Variants in UBR4 observed in about 807,000 individuals in gnomAD.
The protein encoded by UBR4 is E3 ubiquitin-protein ligase UBR4.
UBR4 carries 124 observed loss-of-function variants against 575.6 expected under a neutral mutation model. The ratio of observed to expected loss-of-function variants is 0.22; its 90% confidence interval spans 0.19 to 0.25. UBR4 has a LOEUF of 0.25. Among genes scored for constraint, UBR4 ranks in the 10% least tolerant of loss-of-function variants. The pLI is 1.00. For missense variants in UBR4, 4,818 were observed against 6,478.8 expected, an observed-to-expected ratio of 0.74 and a Z score of 8.80; for synonymous variants, 2,455 against 2,473.7, an observed-to-expected ratio of 0.99 and a Z score of 0.22.
chr1:19,122,684 G>A, intron 66 of UBR4, 149 bp downstream of exon 66: 2 of 852,230 alleles, frequency 2.3e-6, no homozygotes, highest in African/African-American at 1.7e-5. Context: ...ACCCAGACAG[G>A]GGTTATGGAT....
rs2085999991 is a variant in UBR4, at chr1:19,153,331, G to C, written c.6802C>G (p.Pro2268Ala). 1.9e-6 allele frequency: 3 copies of C among 1,614,184 alleles called. No homozygotes were observed. Among genetic ancestry groups the C allele is most frequent in the Non-Finnish European group, 2.5e-6 (3 of 1,180,028 alleles). Reference protein sequence around the residue: ...QPSSVISIMKPVRKRKTATIT... With the variant: ...QPSSVISIMKAVRKRKTATIT... The stretch of plus-strand genomic sequence containing the variant: ...GTAGCTGTTTTGCGCTTTCGAACAG[G>C]CTTCATGATGCTGATGACACTGCTG... Residue 2268 changes from proline to alanine, a missense_variant, in exon 46 of 106, where the codon CCT becomes GCT. This residue lies in a region of UBR4 where 461 missense variants were observed against 606.9 expected (regional missense o/e 0.76). Transcript: ENST00000375254. This position sits in a 1 kb window ranked among gnomAD's most constrained non-coding sequence, Gnocchi z 4.1.
chr1:19,082,172 G>A (rs957775115), intron 102 of UBR4: 19 of 223,288 alleles, frequency 8.5e-5, no homozygotes, highest in African/African-American at 3.0e-4. Context: ...CCAGATGAGC[G>A]CTGCTTCTTG....
At position 19,108,962 on chromosome 1, in the gene UBR4, C is replaced by T. The variant is rs2079534959; in HGVS notation, c.12105+1134G>A. On this transcript the variant is annotated intron_variant, in intron 81 of 105. Coordinates refer to ENST00000375254, the MANE Select transcript of UBR4 (RefSeq NM_020765.3). ...AGGATGGTCATATAGGGATGGGTGT[C>T]CTCTTCTCAACCAAGGGCTGATTTT... 2.0e-5 allele frequency among the ~76,000 whole-genome samples: 3 copies of T among 152,154 alleles called. No homozygotes were observed. The South Asian group carries it at 6.2e-4, about 32-fold the overall frequency.
chr1:19,138,058 G>T lies in UBR4; in HGVS notation c.8855C>A (p.Ser2952Tyr). ...AGTTTCTCCTTCTCCTTCTCCCTCG[G>T]AGCCATCTCCCTCCTGGTGCCCAGT... ...TTTGHQEGDG[S>Y]EGEGEGETEG... The change falls in exon 60 of 106, where the codon TCC (serine) becomes TAC (tyrosine). Residue 2952 changes from serine to tyrosine, a missense_variant. Around this residue, in one of 29 missense-constraint regions of UBR4, gnomAD observed 87 missense variants for 82.8 expected, o/e 1.05. Transcript: ENST00000375254. The T allele has an allele frequency of 6.3e-7, 1 of 1,590,748 alleles. No individual in the cohort carries two copies. The highest frequency in any genetic ancestry group is 8.6e-7 in the Non-Finnish European group (1 of 1,165,006).
chr1:19,149,891 C>T, intron 49 of UBR4: 1 of 975,614 alleles, frequency 1.0e-6, no homozygotes, highest in East Asian at 6.4e-5. Flanking sequence ...ATGGATAGGG[C>T]ATCGGGGAAA....
rs368288140 is a variant in UBR4 at position 19,174,385 on chromosome 1, G to A, written c.2916C>T (p.Ala972=). The A allele has an allele frequency of 8.1e-6, 13 of 1,613,012 alleles. No individual in the cohort carries two copies. The highest frequency in any genetic ancestry group is 1.1e-5 in the Non-Finnish European group (13 of 1,179,972). ...CAAGCTGGGACCCAGCTGCAAGCAG[G>A]GCTGTCAGTGCAGCATAAAGCTCAT... ...KYDELYAALT[A]LLAAGSQLDT... Residue 972 remains alanine (A), a synonymous_variant, in exon 22 of 106, where the codon GCC becomes GCT. Coordinates refer to ENST00000375254, the MANE Select transcript of UBR4 (RefSeq NM_020765.3).
chr1:19,186,758 GAGTATGCCTCTTA>G (rs2091566489), intron 13 of UBR4, 101 bp from the exon 14 acceptor site: 2 of 1,118,870 alleles, frequency 1.8e-6, no homozygotes, highest in Non-Finnish European at 2.6e-6. Context: ...CTAAATCCAA[GAGTATGCCTCTTA>G]ATAGCTCCCT....
rs1457117308 is a variant in UBR4, at chr1:19,094,110, A to C, written c.13776T>G (p.Asp4592Glu). 2 of 1,613,862 alleles carry C rather than the reference A, an allele frequency of 1.2e-6. No homozygotes were observed. The highest frequency in any genetic ancestry group is 1.7e-6 in the Non-Finnish European group (2 of 1,179,946). ...KGNLLLTGDKDQLVMLLDQIN... is the reference protein window; with the variant it reads ...KGNLLLTGDKEQLVMLLDQIN... ...TCTGGTCCAAGAGCATCACCAGTTG[A>C]TCCTTGTCACCTGTCAGGAGGAGGT... Residue 4592 changes from aspartate (D) to glutamate (E), a missense_variant, in exon 95 of 106, where the codon GAT becomes GAG. This residue lies in a region of UBR4 where 165 missense variants were observed against 282.3 expected (regional missense o/e 0.58). Transcript: ENST00000375254.
intron 19 of UBR4, among the ~76,000 whole-genome samples, chr1:19,177,256 T>A (rs569817789): frequency 2.5e-4 from 38 of 152,192 alleles, no homozygotes; most frequent in Middle Eastern, 6.8e-3. Flanking sequence ...TTTCAAAAAA[T>A]GCATCAAATC....
At position 19,156,305 on chromosome 1, in the gene UBR4, G is replaced by C. The variant is rs1281414702; in HGVS notation, c.6038C>G (p.Thr2013Ser). The C allele has an allele frequency of 6.2e-7, 1 of 1,614,156 alleles. No individual in the cohort carries two copies. The highest frequency in any genetic ancestry group is 1.3e-5 in the African/African-American group (1 of 75,034). ...IKAVWLPGSQ[T>S]ELAIVTADFV... ...GTCTGCGGTGACAATTGCTAACTCGGTCTGTGAACCAGGTAACCACACGGC... is the reference window on the plus strand; with the variant it reads ...GTCTGCGGTGACAATTGCTAACTCGCTCTGTGAACCAGGTAACCACACGGC... Residue 2013 changes from threonine to serine, a missense_variant, in exon 42 of 106, where the codon ACC becomes AGC. Physicochemically the swap from Thr to Ser is moderately conservative, Grantham distance 58. Around this residue, in one of 29 missense-constraint regions of UBR4, gnomAD observed 461 missense variants for 606.9 expected, o/e 0.76. Coordinates refer to ENST00000375254, the MANE Select transcript of UBR4 (RefSeq NM_020765.3).
At chr1:19,149,917 A>AGG in intron 49 of UBR4, 1 of 687,396 alleles carries the variant, frequency 1.5e-6, no homozygotes, top group South Asian at 1.9e-5. Flanking sequence ...AGAGAAAGGA[A>AGG]GGGAGGGAGG....
intron 14 of UBR4, among the ~76,000 whole-genome samples, chr1:19,185,820 T>G (rs907875302): frequency 6.6e-6 from 1 of 152,100 alleles, no homozygotes; most frequent in Non-Finnish European, 1.5e-5. Context: ...TCTGCCCACC[T>G]CAGCCTCCCA....
intron 83 of UBR4, among the ~76,000 whole-genome samples, chr1:19,106,161 T>C (rs2079171771): frequency 6.6e-6 from 1 of 152,254 alleles, no homozygotes; most frequent in African/African-American, 2.4e-5. Context: ...GACACTTATA[T>C]GCTGAATACT....
Position 19,187,280 on chromosome 1 carries a change from G to C in UBR4, c.1516C>G (p.Pro506Ala). 1.2e-6 allele frequency: 2 copies of C among 1,613,622 alleles called. No individual in the cohort carries two copies. The highest frequency in any genetic ancestry group is 1.7e-6 in the Non-Finnish European group (2 of 1,179,738). ...LHKGWETDGP[P>A]AALSIMAQST... ...TGGGCCATAATGCTCAAGGCTGCAG[G>C]GGGGCCATCTGTCTCCCAACCCTGA... The change falls in exon 13 of 106, where the codon CCT (proline) becomes GCT (alanine). Residue 506 changes from proline (P) to alanine (A), a missense_variant. Coordinates refer to ENST00000375254, the MANE Select transcript of UBR4 (RefSeq NM_020765.3).
chr1:19,110,679 G>T lies in UBR4; in HGVS notation c.11892+63C>A. 6.4e-7 allele frequency: 1 copy of T among 1,565,326 alleles called. No homozygotes were observed. The highest frequency in any genetic ancestry group is 8.8e-7 in the Non-Finnish European group (1 of 1,136,682). ...ACCGCAGGACCTGGGAGGGGAAGCT[G>T]AGAAACACAAGGCATGTGAGGGGAA... On this transcript the variant is annotated intron_variant, in intron 79 of 105. Transcript: ENST00000375254. This position sits in a 1 kb window ranked among gnomAD's most constrained non-coding sequence, Gnocchi z 4.5.
intron 100 of UBR4, 112 bp downstream of exon 100, chr1:19,086,567 A>C: frequency 2.1e-6 from 3 of 1,449,474 alleles, no homozygotes; most frequent in Non-Finnish European, 2.8e-6. Flanking sequence ...AGAACACCCT[A>C]CTCTCCAGAG....
chr1:19,141,565 T>G (rs1248676198), intron 56 of UBR4, 41 bp from the exon 57 acceptor site: 1 of 1,597,288 alleles, frequency 6.3e-7, no homozygotes, highest in African/African-American at 1.3e-5. Flanking sequence ...TGGTAAGTGG[T>G]AACTTTTGGA....
At chr1:19,142,247 G>GAT (rs1382706145) in intron 55 of UBR4, among the ~76,000 whole-genome samples, 1 of 152,170 alleles carries the variant, frequency 6.6e-6, no homozygotes, top group Non-Finnish European at 1.5e-5. Context: ...TAATTACTAT[G>GAT]AGAAGAACCA....
At chr1:19,101,420 T>C (rs1380058622) in intron 88 of UBR4, 100 bp downstream of exon 88, 9 of 1,432,850 alleles carry the variant, frequency 6.3e-6, no homozygotes, top group Non-Finnish European at 8.3e-6. Flanking sequence ...GGCCCACAGC[T>C]GGTACAATTC....
Sources: allele counts gnomAD v4.1 joint callset (sites outside exome capture counted in the v4.1 genomes callset), GRCh38; gene constraint gnomAD v4.1.1; regional missense constraint gnomAD v4.1.1; non-coding constraint Gnocchi (gnomAD v3.1); transcripts MANE v1.5; gene names NCBI Gene and HGNC (gene_info 2026-07-23, HGNC 2026-07-21).